PAWR: variants seen among roughly 807,000 people sequenced by gnomAD.
PAWR encodes the protein pro-apoptotic WT1 regulator.
In PAWR, 23 loss-of-function variants were observed where a neutral mutation model predicts 32.0. The ratio of observed to expected loss-of-function variants is 0.72; its 90% CI spans 0.52 to 1.02. The LOEUF is 1.02. Among genes scored for constraint, PAWR ranks in the 50% least tolerant of loss-of-function variants. The probability of loss-of-function intolerance (pLI) is 0.00; values close to 1 mark genes in which losing one functional copy is unlikely to be tolerated. For missense variants in PAWR, 457 were observed against 437.7 expected, an observed-to-expected ratio of 1.04 and a Z score of -0.39; for synonymous variants, 226 against 187.1, an observed-to-expected ratio of 1.21 and a Z score of -1.70.
At chr12:79,616,842 AAAGT>A (rs981982258) in intron 3 of PAWR, among the ~76,000 whole-genome samples, 2 of 152,322 alleles carry the variant, frequency 1.3e-5, no homozygotes, top group South Asian at 2.1e-4. Flanking sequence ...GTTGGTACGA[AAAGT>A]AATTGCGGGT....
At chr12:79,608,990 G>C (rs1874318932) in intron 4 of PAWR, among the ~76,000 whole-genome samples, 1 of 151,994 alleles carries the variant, frequency 6.6e-6, no homozygotes, top group African/African-American at 2.4e-5. Context: ...GGTTGCTTCA[G>C]CCCAGGAGGT....
chr12:79,612,697 C>G (rs1161839776), intron 4 of PAWR, among the ~76,000 whole-genome samples: 1 of 152,152 alleles, frequency 6.6e-6, no homozygotes, highest in East Asian at 1.9e-4. Flanking sequence ...AATTTGGACA[C>G]AGTAAGTACT....
intron 2 of PAWR, among the ~76,000 whole-genome samples, chr12:79,669,811 C>T (rs1877798223): frequency 6.6e-6 from 1 of 151,938 alleles, no homozygotes; most frequent in Non-Finnish European, 1.5e-5. Flanking sequence ...TGGCTTACTG[C>T]AACCTCCACC....
chr12:79,607,742 A>AATT (rs1874248325), intron 4 of PAWR, among the ~76,000 whole-genome samples: 1 of 127,666 alleles, frequency 7.8e-6, no homozygotes, highest in African/African-American at 4.4e-5. Context: ...AAAAAAAAAA[A>AATT]AAATAATAAT....
chr12:79,685,638 G>A (rs765248563), intron 2 of PAWR, among the ~76,000 whole-genome samples: 2 of 152,052 alleles, frequency 1.3e-5, no homozygotes, highest in African/African-American at 4.8e-5. Context: ...ATAAATTTAC[G>A]TTTTGCCGAG....
At chr12:79,656,427 T>G (rs1877097331) in intron 2 of PAWR, among the ~76,000 whole-genome samples, 2 of 152,088 alleles carry the variant, frequency 1.3e-5, no homozygotes, top group Admixed American at 1.3e-4. Context: ...ATACGGTGAA[T>G]GGATGCGTAA....
chr12:79,631,015 T>C (rs1875598008), intron 2 of PAWR, among the ~76,000 whole-genome samples: 1 of 152,102 alleles, frequency 6.6e-6, no homozygotes, highest in African/African-American at 2.4e-5. Flanking sequence ...TAAAACACTT[T>C]GTTTAACCTT....
intron 2 of PAWR, among the ~76,000 whole-genome samples, chr12:79,677,890 A>G (rs964048151): frequency 6.6e-6 from 1 of 152,196 alleles, no homozygotes; most frequent in African/African-American, 2.4e-5. Flanking sequence ...AAACTCAGGG[A>G]TAACGTTAAG....
intron 2 of PAWR, among the ~76,000 whole-genome samples, chr12:79,634,808 T>C (rs1465639389): frequency 6.6e-6 from 1 of 151,134 alleles, no homozygotes; most frequent in African/African-American, 2.5e-5. Flanking sequence ...TTGATGATTA[T>C]TATTGCTGGA....
intron 2 of PAWR, among the ~76,000 whole-genome samples, chr12:79,664,786 T>A (rs768033315): frequency 7.3e-5 from 11 of 151,648 alleles, no homozygotes; most frequent in Non-Finnish European, 1.3e-4. Context: ...CGTCATCATG[T>A]CTGGCTATTT....
At chr12:79,649,543 T>C (rs1270142058) in intron 2 of PAWR, among the ~76,000 whole-genome samples, 1 of 152,098 alleles carries the variant, frequency 6.6e-6, no homozygotes, top group Non-Finnish European at 1.5e-5. Context: ...TCCCAGCACC[T>C]TGAGAGGCCC....
At chr12:79,593,226 GGATCTGGAGTATCTT>G (rs1873621086) in intron 6 of PAWR, among the ~76,000 whole-genome samples, 1 of 152,120 alleles carries the variant, frequency 6.6e-6, no homozygotes, top group Non-Finnish European at 1.5e-5. Context: ...ACGGAAAAGG[GGATCTGGAGTATCTT>G]GATCTGGATC....
intron 3 of PAWR, among the ~76,000 whole-genome samples, chr12:79,613,980 T>TA (rs1874600875): frequency 1.3e-3 from 4 of 2,994 alleles, no homozygotes; most frequent in Admixed American, 8.2e-3. Flanking sequence ...TATATATATA[T>TA]TTTTTTTTTT....
intron 3 of PAWR, among the ~76,000 whole-genome samples, chr12:79,620,081 C>G (rs1466431123): frequency 1.3e-5 from 2 of 152,040 alleles, no homozygotes; most frequent in African/African-American, 4.8e-5. Flanking sequence ...AAGCCACAGC[C>G]CTCAGTAAAA....
chr12:79,612,605 G>A (rs1427730027), intron 4 of PAWR, among the ~76,000 whole-genome samples: 3 of 152,110 alleles, frequency 2.0e-5, no homozygotes, highest in East Asian at 1.9e-4. Context: ...TTAACCTCAC[G>A]TCTCTCATCT....
At chr12:79,612,948 A>G (rs1360442171) in intron 4 of PAWR, among the ~76,000 whole-genome samples, 1 of 152,234 alleles carries the variant, frequency 6.6e-6, no homozygotes, top group African/African-American at 2.4e-5. Flanking sequence ...CCCAAAATTC[A>G]TATGTTGAAG....
chr12:79,588,627 T>C lies in PAWR; in HGVS notation c.*3980A>G, dbSNP rs1432827518. The C allele has an allele frequency of 2.6e-5, 4 of 152,022 alleles. No homozygotes were observed. The East Asian group carries it at 7.7e-4, about 29-fold the overall frequency. The allele number at this position is 152,022 out of a possible 1,614,324, so 9.4% of individuals were successfully genotyped here. ...TTTTGTGCTACTGACATGCACTATA[T>C]AGATCGTACACTACTAGATGGAAAG... On this transcript the variant is annotated 3_prime_UTR_variant, in exon 7 of 7. Coordinates refer to ENST00000328827, the MANE Select transcript of PAWR (RefSeq NM_002583.4).
chr12:79,640,138 A>G lies in PAWR; in HGVS notation c.517-18931T>C, dbSNP rs868523587. 3.9e-5 allele frequency among the ~76,000 whole-genome samples: 6 copies of G among 151,998 alleles called. No individual in the cohort carries two copies. In the South Asian group the frequency reaches 6.2e-4, roughly 16 times the overall value. On this transcript the variant is annotated intron_variant, in intron 2 of 6. Coordinates refer to ENST00000328827, the MANE Select transcript of PAWR (RefSeq NM_002583.4). ...CAGGCTTGTCGAACTCCTGACCTCA[A>G]GTGATCCTCCCACCTCAGCCTCCCA...
chr12:79,608,950 C>T (rs1176786224), intron 4 of PAWR, among the ~76,000 whole-genome samples: 1 of 152,044 alleles, frequency 6.6e-6, no homozygotes, highest in African/African-American at 2.4e-5. Context: ...GAGGCTGTGG[C>T]AGGAGAATCA....
Sources: gnomAD v4.1 joint callset for allele counts (sites outside exome capture counted in the v4.1 genomes callset) on GRCh38, gnomAD v4.1.1 for gene constraint, MANE v1.5 for transcripts, NCBI Gene and HGNC (gene_info 2026-07-23, HGNC 2026-07-21) for gene names.